Variants in PRR12 observed in about 807,000 individuals in gnomAD.
The protein encoded by PRR12 is proline-rich protein 12.
In PRR12, 12 loss-of-function variants were observed where a neutral mutation model predicts 138.0. The observed-to-expected ratio is 0.09, with a 90% confidence interval of 0.06 to 0.14. The LOEUF is 0.14. Ranked by LOEUF, PRR12 falls within the 10% of genes least tolerant of loss-of-function variation. The pLI, the probability that PRR12 is intolerant of heterozygous loss-of-function variation, is 1.00. For synonymous variants in PRR12, 1,567 were observed against 1,291.7 expected, an observed-to-expected ratio of 1.21 and a Z score of -4.57; for missense variants, 2,692 against 2,861.3, an observed-to-expected ratio of 0.94 and a Z score of 1.35.
intron 1 of PRR12, 46 bp downstream of exon 1, chr19:49,591,786 G>C (rs757824222): frequency 8.2e-7 from 1 of 1,226,412 alleles, no homozygotes; most frequent in South Asian, 2.0e-5. Context: ...AGGGGTGGGA[G>C]CCCAGCCGGG....
At chr19:49,610,791 C>T (rs556429506) in intron 6 of PRR12, among the ~76,000 whole-genome samples, 1 of 151,598 alleles carries the variant, frequency 6.6e-6, no homozygotes, top group Admixed American at 6.6e-5. Context: ...GATCCGCCCG[C>T]CTTGGCCTCC....
rs572577768 is a variant in PRR12 at position 49,595,778 on chromosome 19, G to A, written c.1443G>A (p.Gln481=). Residue 481 remains glutamine, a synonymous_variant, in exon 4 of 14, where the codon CAG becomes CAA. Transcript: ENST00000418929. ...KAPSYSGGPP[Q]PPSGPPPPGL... is the part of the protein sequence containing the mutation. Reference sequence around the variant, plus strand: ...CCAGCTACTCAGGGGGCCCCCCACAGCCCCCCAGCGGCCCCCCTCCTCCTG... The same window carrying A: ...CCAGCTACTCAGGGGGCCCCCCACAACCCCCCAGCGGCCCCCCTCCTCCTG... 16 of 1,598,832 alleles carry A rather than the reference G, an allele frequency of 1.0e-5. No individual in the cohort carries two copies. Among genetic ancestry groups the A allele is most frequent in the Non-Finnish European group, 1.1e-5 (13 of 1,174,030 alleles).
rs772549447 is a variant in PRR12 at position 49,614,568 on chromosome 19, C to T, written c.4809C>T (p.Ile1603=). ...AGACGGGGCGTGAACCCCCACCCAT[C>T]TGGCGAGTCCAGAAGGCCCTTCTGC... The part of the protein sequence containing the change: ...ALQTGREPPP[I]WRVQKALLQK... Residue 1603 remains isoleucine (I), a synonymous_variant, in exon 7 of 14, where the codon ATC becomes ATT. Coordinates refer to ENST00000418929, the MANE Select transcript of PRR12 (RefSeq NM_020719.3). This position sits in a 1 kb window ranked among gnomAD's most constrained non-coding sequence, Gnocchi z 5.0. The T allele has an allele frequency of 3.2e-5, 50 of 1,558,886 alleles. No individual in the cohort carries two copies. The Admixed American group carries it at 9.1e-4, about 28-fold the overall frequency.
intron 6 of PRR12, among the ~76,000 whole-genome samples, chr19:49,604,456 T>C (rs1414412534): frequency 3.3e-5 from 5 of 151,452 alleles, no homozygotes. Flanking sequence ...GACGGGCAGA[T>C]CACCTGAGGT....
At chr19:49,598,152 C>T in intron 4 of PRR12, 139 bp downstream of exon 4, 1 of 983,384 alleles carries the variant, frequency 1.0e-6, no homozygotes, top group Non-Finnish European at 1.3e-6. Context: ...CGGTTCACTG[C>T]AAGCTCCGCC....
chr19:49,623,320 G>C (rs117192455), intron 11 of PRR12, among the ~76,000 whole-genome samples: 7 of 152,104 alleles, frequency 4.6e-5, no homozygotes, highest in Non-Finnish European at 8.8e-5. Context: ...GTTATTAGTC[G>C]GGAGTTAGAA....
chr19:49,609,629 G>A (rs2080855618), intron 6 of PRR12, among the ~76,000 whole-genome samples: 1 of 151,864 alleles, frequency 6.6e-6, no homozygotes, highest in Non-Finnish European at 1.5e-5. Flanking sequence ...TTTGTTGGAT[G>A]GAGAAGAGTA....
chr19:49,593,423 C>T lies in PRR12; in HGVS notation c.183C>T (p.Thr61=), dbSNP rs554998162. ...CCCACCCACTGCAAAGCTATGCCAC[C>T]AACCACCACCCGGCAGGTACGGCCC... The part of the protein sequence containing the change: ...AAPHPLQSYA[T]NHHPAGLSGL... Residue 61 remains threonine, a synonymous_variant, in exon 2 of 14, where the codon ACC becomes ACT. Coordinates refer to ENST00000418929, the MANE Select transcript of PRR12 (RefSeq NM_020719.3). The T allele has an allele frequency of 3.1e-6, 5 of 1,598,932 alleles. No homozygotes were observed. The South Asian group carries it at 5.5e-5, about 18-fold the overall frequency.
In PRR12 at chr19:49,597,118, C is replaced by G; in HGVS notation, c.2783C>G (p.Pro928Arg). ...PQGTKAPRFV[P>R]LTSICFPDSL... ...GGCACCAAGGCGCCGCGTTTCGTGC[C>G]GCTCACCTCCATCTGCTTCCCTGAC... is the stretch of plus-strand genomic sequence containing the variant. Residue 928 changes from proline (P) to arginine (R), a missense_variant, in exon 4 of 14, where the codon CCG (proline) becomes CGG (arginine). Pro to Arg is a moderately radical substitution (Grantham distance 103). Transcript: ENST00000418929. The surrounding 1 kb of genome is among the most constrained non-coding windows in gnomAD (Gnocchi z 6.3). The G allele has an allele frequency of 6.4e-7, 1 of 1,550,942 alleles. No homozygotes were observed.
At chr19:49,612,222 C>CT (rs898278253) in intron 6 of PRR12, among the ~76,000 whole-genome samples, 1 of 140,412 alleles carries the variant, frequency 7.1e-6, no homozygotes, top group African/African-American at 2.7e-5. Context: ...GAGCAAGACT[C>CT]TGTCTCAAAA....
chr19:49,622,776 C>T (rs1184674754), intron 11 of PRR12, among the ~76,000 whole-genome samples: 1 of 145,500 alleles, frequency 6.9e-6, no homozygotes, highest in South Asian at 2.2e-4. Context: ...CCTGTAGTCC[C>T]AGCTACTCAG....
At position 49,594,391 on chromosome 19, in the gene PRR12, TTCTC is replaced by T; in HGVS notation, c.200-59_200-56del. The T allele has an allele frequency of 6.8e-7, 1 of 1,459,914 alleles. No individual in the cohort carries two copies. The highest frequency in any genetic ancestry group is 9.2e-7 in the Non-Finnish European group (1 of 1,087,688). 90.4% of individuals were successfully genotyped at this position (1,459,914 alleles called of 1,614,324 possible). ...CCAACTTGCTTTTGGCCTCTTCCCTTTCTCTCTTGACTGTATCCTACCCACCCCC... is the reference window on the plus strand; with the variant it reads ...CCAACTTGCTTTTGGCCTCTTCCCTTTCTTGACTGTATCCTACCCACCCCC... On this transcript the variant is annotated intron_variant, in intron 2 of 13. Transcript: ENST00000418929. The surrounding 1 kb of genome is among the most constrained non-coding windows in gnomAD (Gnocchi z 5.6).
chr19:49,605,239 C>T (rs750134700), intron 6 of PRR12, among the ~76,000 whole-genome samples: 8 of 152,164 alleles, frequency 5.3e-5, no homozygotes, highest in Middle Eastern at 3.4e-3. Flanking sequence ...ACACCCAGCC[C>T]TGCTGGCCCT....
In PRR12 at chr19:49,595,350, C is replaced by T. The variant is rs771631775; in HGVS notation, c.1015C>T (p.Pro339Ser). Residue 339 changes from proline to serine, a missense_variant, in exon 4 of 14, where the codon CCC becomes TCC. By Grantham distance (74) the Pro-to-Ser change is moderately conservative. Transcript: ENST00000418929. ...CTGCAGCCCCCTGGGTGGTGGGGAG[C>T]CCTCCCCGGGTGCTGGGGAGCCTAG... ...LACSPLGGGEPSPGAGEPSKA... is the reference protein window; with the variant it reads ...LACSPLGGGESSPGAGEPSKA... The T allele has an allele frequency of 2.6e-6, 4 of 1,541,472 alleles. No individual in the cohort carries two copies. In the South Asian group the frequency reaches 4.8e-5, roughly 19 times the overall value.
In PRR12 at chr19:49,594,440, C is replaced by G; in HGVS notation, c.200-14C>G. ...ACCCCCACCTGGCTGACTATAACCC[C>G]TGTCCCCGGCCAGGCCTCTCTGGAC... On this transcript the variant is annotated splice_polypyrimidine_tract_variant and intron_variant, in intron 2 of 13. Transcript: ENST00000418929. The surrounding 1 kb of genome is among the most constrained non-coding windows in gnomAD (Gnocchi z 5.6). The G allele has an allele frequency of 6.4e-7, 1 of 1,564,340 alleles. No homozygotes were observed.
rs1025045714 is a variant in PRR12 at position 49,597,120 on chromosome 19, C to T, written c.2785C>T (p.Leu929Phe). 1.3e-6 allele frequency: 2 copies of T among 1,551,084 alleles called. No individual in the cohort carries two copies. Among genetic ancestry groups the T allele is most frequent in the Non-Finnish European group, 1.7e-6 (2 of 1,147,404 alleles). ...CACCAAGGCGCCGCGTTTCGTGCCG[C>T]TCACCTCCATCTGCTTCCCTGACTC... is the stretch of plus-strand genomic sequence containing the variant. ...QGTKAPRFVP[L>F]TSICFPDSLL... is the part of the protein sequence containing the mutation. Residue 929 changes from leucine (L) to phenylalanine (F), a missense_variant, in exon 4 of 14, where the codon CTC becomes TTC. This residue lies in a region of PRR12 where 840 missense variants were observed against 689.8 expected (regional missense o/e 1.22). Coordinates refer to ENST00000418929, the MANE Select transcript of PRR12 (RefSeq NM_020719.3). This position sits in a 1 kb window ranked among gnomAD's most constrained non-coding sequence, Gnocchi z 6.3.
At chr19:49,611,552 C>T (rs1351139571) in intron 6 of PRR12, among the ~76,000 whole-genome samples, 3 of 150,422 alleles carry the variant, frequency 2.0e-5, no homozygotes, top group South Asian at 2.1e-4. Flanking sequence ...GCAGGACAAT[C>T]ACTTGAACCC....
chr19:49,595,249 C>T lies in PRR12; in HGVS notation c.914C>T (p.Pro305Leu), dbSNP rs1375585450. The T allele has an allele frequency of 6.5e-7, 1 of 1,545,684 alleles. No homozygotes were observed. Among genetic ancestry groups the T allele is most frequent in the South Asian group, 1.2e-5 (1 of 83,926 alleles). The stretch of plus-strand genomic sequence containing the variant: ...AGTGCCCAGCCCCCACCACCCCCGC[C>T]ACCAGCCCATGCGCTCCAGCACTAT... ...PASAQPPPPP[P>L]PAHALQHYLS... The change falls in exon 4 of 14, where the codon CCA becomes CTA. Residue 305 changes from proline to leucine, a missense_variant. This residue lies in a region of PRR12 where 523 missense variants were observed against 496.4 expected (regional missense o/e 1.05). Coordinates refer to ENST00000418929, the MANE Select transcript of PRR12 (RefSeq NM_020719.3).
In PRR12 at chr19:49,606,895, A is replaced by T. The variant is rs550126370; in HGVS notation, c.4773+4977A>T. 1.9e-3 allele frequency among the ~76,000 whole-genome samples: 290 copies of T among 152,250 alleles called. 1 individual carries two copies. The highest frequency in any genetic ancestry group is 6.6e-3 in the African/African-American group (276 of 41,566). On this transcript the variant is annotated intron_variant, in intron 6 of 13. Coordinates refer to ENST00000418929, the MANE Select transcript of PRR12 (RefSeq NM_020719.3). ...CACTCTTAAAGCCCCTACAAAAACA[A>T]GCCATAGACCATTGTTTATTCCAGA...
Sources: allele counts gnomAD v4.1 joint callset (sites outside exome capture counted in the v4.1 genomes callset), GRCh38; gene constraint gnomAD v4.1.1; regional missense constraint gnomAD v4.1.1; non-coding constraint Gnocchi (gnomAD v3.1); transcripts MANE v1.5; gene names NCBI Gene and HGNC (gene_info 2026-07-23, HGNC 2026-07-21).